AFF3: variants seen among roughly 807,000 people sequenced by gnomAD.
AFF3 encodes ALF transcription elongation factor 3.
A neutral mutation model predicts 129.7 loss-of-function variants in AFF3; 32 were observed. The ratio of observed to expected loss-of-function variants is 0.25; its 90% CI spans 0.19 to 0.33. AFF3 has a LOEUF of 0.33. Among genes scored for constraint, AFF3 ranks in the 10% least tolerant of loss-of-function variants. The pLI is 1.00. For synonymous variants in AFF3, 644 were observed against 635.4 expected (o/e 1.01, Z -0.20); for missense variants, 1,373 against 1,592.0 (o/e 0.86, Z 2.34).
At chr2:99,969,478 C>CATTCATTTATTTATTT (rs1553491623) in intron 7 of AFF3, among the ~76,000 whole-genome samples, 3 of 150,410 alleles carry the variant, frequency 2.0e-5, no homozygotes, top group African/African-American at 7.4e-5. Context: ...ATTTTATTTT[C>CATTCATTTATTTATTT]ATTTATTTAT....
intron 12 of AFF3, among the ~76,000 whole-genome samples, chr2:99,659,561 G>A (rs1215314186): frequency 6.6e-6 from 1 of 152,174 alleles, no homozygotes; most frequent in Non-Finnish European, 1.5e-5. Context: ...CTAGAGGTCT[G>A]TGACATACAA....
chr2:100,063,068 T>C (rs968976733), intron 4 of AFF3, among the ~76,000 whole-genome samples: 1 of 151,940 alleles, frequency 6.6e-6, no homozygotes, highest in African/African-American at 2.4e-5. Flanking sequence ...CTGGCCAACA[T>C]GGTGAAACCC....
chr2:99,686,032 C>CA (rs1477942167), intron 11 of AFF3, among the ~76,000 whole-genome samples: 1 of 151,636 alleles, frequency 6.6e-6, no homozygotes, highest in Non-Finnish European at 1.5e-5. Context: ...ACTAAAAATA[C>CA]AAAAAAAATT....
intron 7 of AFF3, among the ~76,000 whole-genome samples, chr2:99,949,306 A>G (rs944202244): frequency 1.3e-5 from 2 of 152,126 alleles, no homozygotes; most frequent in African/African-American, 4.8e-5. Flanking sequence ...CCTTAAGTAA[A>G]ATATTTGTTT....
At chr2:99,998,376 G>A (rs1331440514) in intron 7 of AFF3, among the ~76,000 whole-genome samples, 1 of 152,072 alleles carries the variant, frequency 6.6e-6, no homozygotes, top group Non-Finnish European at 1.5e-5. Context: ...GAAAGTGGGG[G>A]GTTTCAGCAT....
At chr2:99,770,376 G>A (rs181260040) in intron 8 of AFF3, among the ~76,000 whole-genome samples, 146 of 152,282 alleles carry the variant, frequency 9.6e-4, no homozygotes, top group Non-Finnish European at 3.1e-4. Context: ...TCACCCTTCA[G>A]GGCAGTAGAC....
At chr2:99,967,331 C>T (rs917127907) in intron 7 of AFF3, among the ~76,000 whole-genome samples, 2 of 151,104 alleles carry the variant, frequency 1.3e-5, no homozygotes, top group African/African-American at 4.9e-5. Context: ...CTTCCATCTT[C>T]ACATCTTGCC....
At chr2:99,668,947 G>C (rs377436472) in intron 12 of AFF3, among the ~76,000 whole-genome samples, 4 of 152,252 alleles carry the variant, frequency 2.6e-5, no homozygotes, top group Admixed American at 6.5e-5. Flanking sequence ...GTATTACCCT[G>C]ATATCAAAAC....
chr2:99,992,449 A>T (rs1680441831), intron 7 of AFF3, among the ~76,000 whole-genome samples: 1 of 152,236 alleles, frequency 6.6e-6, no homozygotes, highest in Admixed American at 6.5e-5. Flanking sequence ...AAGTTAGGTG[A>T]GCCTATATTA....
chr2:99,623,582 G>A (rs769522929), intron 13 of AFF3, among the ~76,000 whole-genome samples: 38 of 152,200 alleles, frequency 2.5e-4, no homozygotes, highest in Non-Finnish European at 5.1e-4. Flanking sequence ...GGGCCCAACC[G>A]ACACGGGAGA....
Position 100,000,158 on chromosome 2 carries a change from C to T in AFF3, c.873+6474G>A, listed in dbSNP as rs745496795. ...CTATTTAATACACTGTGGCTTCAGA[C>T]AGATCTGTCTCAACAAGTCATTCTA... On this transcript the variant is annotated intron_variant, in intron 7 of 24. Coordinates refer to ENST00000672756, the MANE Select transcript of AFF3 (RefSeq NM_001386135.1). Among the ~76,000 whole-genome samples, 7 of 152,200 alleles carry T rather than the reference C, an allele frequency of 4.6e-5. No individual in the cohort carries two copies. In the South Asian group the frequency reaches 1.4e-3, roughly 32 times the overall value.
chr2:99,902,780 T>A (rs1694444384), intron 7 of AFF3, among the ~76,000 whole-genome samples: 1 of 152,158 alleles, frequency 6.6e-6, no homozygotes, highest in South Asian at 2.1e-4. Context: ...GATGTGTGGA[T>A]CACATTACAC....
chr2:100,086,929 T>C (rs1458889526), intron 4 of AFF3, among the ~76,000 whole-genome samples: 1 of 152,274 alleles, frequency 6.6e-6, no homozygotes, highest in African/African-American at 2.4e-5. Flanking sequence ...ATCTGCATTT[T>C]ACAAATGAGA....
intron 8 of AFF3, among the ~76,000 whole-genome samples, chr2:99,775,599 C>T (rs1491002121): frequency 6.6e-6 from 1 of 151,952 alleles, no homozygotes; most frequent in Non-Finnish European, 1.5e-5. Context: ...GGGTGATGGG[C>T]TGATAGGTGC....
Position 99,731,159 on chromosome 2 carries a change from T to C in AFF3, c.1040-4031A>G, listed in dbSNP as rs568545895. ...TTTTAGTAGAGATGGGGTTTCACCA[T>C]GTTGGCCAGGCTGCTCTCGAAATCC... On this transcript the variant is annotated intron_variant, in intron 10 of 24. Coordinates refer to ENST00000672756, the MANE Select transcript of AFF3 (RefSeq NM_001386135.1). Among the ~76,000 whole-genome samples the C allele has an allele frequency of 2.4e-4, 36 of 152,280 alleles. No homozygotes were observed. The South Asian group carries it at 7.5e-3, about 32-fold the overall frequency.
intron 7 of AFF3, among the ~76,000 whole-genome samples, chr2:99,863,955 G>A (rs1691186536): frequency 6.6e-6 from 1 of 152,194 alleles, no homozygotes; most frequent in African/African-American, 2.4e-5. Context: ...AGAATATCAG[G>A]AAACAGAAGC....
intron 10 of AFF3, among the ~76,000 whole-genome samples, chr2:99,730,283 G>C (rs1422380687): frequency 2.0e-5 from 3 of 152,062 alleles, no homozygotes; most frequent in Non-Finnish European, 4.4e-5. Context: ...AATTATAACA[G>C]TTACCTTTTT....
chr2:100,106,455 A>C, intron 2 of AFF3: 3 of 1,023,822 alleles, frequency 2.9e-6, no homozygotes, highest in Non-Finnish European at 3.5e-6. Flanking sequence ...GAAAAAGAAA[A>C]TCTGTCTTTC....
chr2:99,712,566 T>C (rs1261430615), intron 11 of AFF3, among the ~76,000 whole-genome samples: 1 of 152,188 alleles, frequency 6.6e-6, no homozygotes, highest in Non-Finnish European at 1.5e-5. Context: ...CTGACAAAAG[T>C]GAACATGTGC....
Sources: allele counts gnomAD v4.1 joint callset (sites outside exome capture counted in the v4.1 genomes callset), GRCh38; gene constraint gnomAD v4.1.1; transcripts MANE v1.5; gene names NCBI Gene and HGNC (gene_info 2026-07-23, HGNC 2026-07-21).